Variants in FGD4 observed in about 807,000 individuals in gnomAD.
FGD4 encodes the protein FYVE, RhoGEF and PH domain-containing protein 4.
In FGD4, 42 loss-of-function variants were observed where a neutral mutation model predicts 102.0. The ratio of observed to expected loss-of-function variants is 0.41; its 90% CI spans 0.32 to 0.53. The LOEUF (loss-of-function observed/expected upper bound fraction) is 0.53, where lower values mean the gene tolerates loss of function less well. Among genes scored for constraint, FGD4 ranks in the 20% least tolerant of loss-of-function variants. FGD4 has a pLI of 0.21. For missense variants in FGD4, 902 were observed against 1,078.2 expected (o/e 0.84, Z 2.29); for synonymous variants, 380 against 375.7 (o/e 1.01, Z -0.13).
chr12:32,629,488 A>T (rs926951735), intron 14 of FGD4, among the ~76,000 whole-genome samples: 11 of 152,204 alleles, frequency 7.2e-5, no homozygotes, highest in Admixed American at 5.9e-4. Flanking sequence ...CCATTATATA[A>T]TTCAGAAATG....
intron 2 of FGD4, among the ~76,000 whole-genome samples, chr12:32,568,237 A>C (rs1179669047): frequency 6.6e-6 from 1 of 152,268 alleles, no homozygotes; most frequent in East Asian, 1.9e-4. Context: ...AAAGAAAGAA[A>C]GATAAATTTT....
intron 13 of FGD4, among the ~76,000 whole-genome samples, chr12:32,625,394 C>T (rs1038546002): frequency 3.3e-5 from 5 of 151,500 alleles, no homozygotes; most frequent in Non-Finnish European, 5.9e-5. Flanking sequence ...CTTAGCCTCC[C>T]GAGTAGCTGG....
chr12:32,613,579 C>T (rs575992322), intron 10 of FGD4, among the ~76,000 whole-genome samples: 4 of 152,094 alleles, frequency 2.6e-5, no homozygotes, highest in Admixed American at 2.6e-4. Context: ...ATACAGAGAC[C>T]TCCCTGTCTC....
chr12:32,535,154 A>G (rs1300285240), intron 1 of FGD4, among the ~76,000 whole-genome samples: 1 of 152,242 alleles, frequency 6.6e-6, no homozygotes, highest in Non-Finnish European at 1.5e-5. Flanking sequence ...AAATGTAATC[A>G]TGTGACGGGA....
At chr12:32,593,045 C>T (rs1045533304) in intron 4 of FGD4, among the ~76,000 whole-genome samples, 2 of 152,100 alleles carry the variant, frequency 1.3e-5, no homozygotes, top group African/African-American at 4.8e-5. Flanking sequence ...AACTTAAAAT[C>T]ATGTACTTGC....
chr12:32,510,019 G>A (rs754608297), intron 1 of FGD4, among the ~76,000 whole-genome samples: 1 of 152,216 alleles, frequency 6.6e-6, no homozygotes, highest in East Asian at 1.9e-4. Flanking sequence ...CTAGTCAGCT[G>A]TGGCCATGGA....
At chr12:32,595,363 G>A (rs973480424) in intron 4 of FGD4, among the ~76,000 whole-genome samples, 2 of 152,028 alleles carry the variant, frequency 1.3e-5, no homozygotes, top group Non-Finnish European at 2.9e-5. Flanking sequence ...CACTAAGCCC[G>A]GCCTAAACAA....
chr12:32,625,104 C>A, intron 13 of FGD4, 36 bp downstream of exon 13: 4 of 1,540,566 alleles, frequency 2.6e-6, no homozygotes, highest in South Asian at 2.2e-5. Flanking sequence ...CAACCTCTTT[C>A]ATATCTTTGC....
chr12:32,413,586 A>G (rs558544997), intron 1 of FGD4, among the ~76,000 whole-genome samples: 5 of 152,330 alleles, frequency 3.3e-5, no homozygotes, highest in African/African-American at 1.2e-4. Flanking sequence ...GGAAAACTGA[A>G]CATGTAATTT....
chr12:32,583,191 G>A (rs1946750658), intron 4 of FGD4, among the ~76,000 whole-genome samples: 1 of 152,078 alleles, frequency 6.6e-6, no homozygotes, highest in Non-Finnish European at 1.5e-5. Context: ...TTAAAACTTA[G>A]CAGAGCATGG....
intron 1 of FGD4, among the ~76,000 whole-genome samples, chr12:32,484,078 AC>A (rs1391043597): frequency 6.6e-6 from 1 of 152,198 alleles, no homozygotes; most frequent in Non-Finnish European, 1.5e-5. Flanking sequence ...CTTGGAAATT[AC>A]ACCAAAAAAA....
intron 11 of FGD4, among the ~76,000 whole-genome samples, chr12:32,621,603 T>C (rs944625445): frequency 1.3e-5 from 2 of 152,206 alleles, no homozygotes; most frequent in Non-Finnish European, 2.9e-5. Context: ...AGTCCAAGAA[T>C]TGGTGAATTT....
rs7975637 is a variant in FGD4 at position 32,589,594 on chromosome 12, A to G, written c.1011+7127A>G. Among the ~76,000 whole-genome samples, 1,042 of 152,124 alleles carry G rather than the reference A, an allele frequency of 6.8e-3. 7 individuals are homozygous for G. The highest frequency in any genetic ancestry group is 0.024 in the African/African-American group (1,014 of 41,456). ...CTTTAATTTCTATAAAACTCAAAGG[A>G]CTCTTTAGTGTAACTTACACTACAT... On this transcript the variant is annotated intron_variant, in intron 4 of 16. Coordinates refer to ENST00000534526, the MANE Select transcript of FGD4 (RefSeq NM_001370298.3).
intron 1 of FGD4, among the ~76,000 whole-genome samples, chr12:32,425,736 C>G (rs1176033834): frequency 6.6e-6 from 1 of 152,152 alleles, no homozygotes. Flanking sequence ...TTTGTGTCCT[C>G]TCTTATTTCC....
At chr12:32,564,081 G>A in intron 1 of FGD4, 56 bp from the exon 2 acceptor site, 1 of 1,475,784 alleles carries the variant, frequency 6.8e-7, no homozygotes, top group Non-Finnish European at 9.0e-7. Context: ...AACTTATAAG[G>A]CAGTATTGTG....
intron 1 of FGD4, among the ~76,000 whole-genome samples, chr12:32,431,035 G>C (rs988435067): frequency 1.7e-4 from 26 of 152,216 alleles, no homozygotes; most frequent in African/African-American, 6.3e-4. Context: ...CCATTTCCAG[G>C]TTTTGGAACT....
intron 1 of FGD4, among the ~76,000 whole-genome samples, chr12:32,461,722 T>G (rs754276163): frequency 6.6e-6 from 1 of 152,132 alleles, no homozygotes; most frequent in East Asian, 1.9e-4. Context: ...CATCTTTGCA[T>G]CAGTTTGTTT....
chr12:32,462,547 T>C (rs920912720), intron 1 of FGD4, among the ~76,000 whole-genome samples: 1 of 148,494 alleles, frequency 6.7e-6, no homozygotes, highest in African/African-American at 2.6e-5. Context: ...AATAAAATTT[T>C]TCATGTGCTT....
intron 1 of FGD4, among the ~76,000 whole-genome samples, chr12:32,526,670 G>A (rs575771229): frequency 2.5e-4 from 38 of 152,240 alleles, no homozygotes; most frequent in Admixed American, 1.0e-3. Flanking sequence ...TTGTTCTTTC[G>A]CTATTTGCGA....
Sources: gnomAD v4.1 joint callset for allele counts (sites outside exome capture counted in the v4.1 genomes callset) on GRCh38, gnomAD v4.1.1 for gene constraint, MANE v1.5 for transcripts, NCBI Gene and HGNC (gene_info 2026-07-23, HGNC 2026-07-21) for gene names.